Variants in CNBP observed in about 807,000 individuals in gnomAD.
CNBP encodes cellular nucleic acid-binding protein.
A neutral mutation model predicts 21.2 loss-of-function variants in CNBP; 6 were observed. The ratio of observed to expected loss-of-function variants is 0.28; its 90% CI spans 0.16 to 0.56. CNBP has a LOEUF of 0.56. CNBP is among the 20% of genes least tolerant of loss of function. CNBP has a pLI of 0.93. For missense variants in CNBP, 112 were observed against 233.1 expected, an observed-to-expected ratio of 0.48 and a Z score of 3.38; for synonymous variants, 61 against 74.9, an observed-to-expected ratio of 0.81 and a Z score of 0.96.
At position 129,173,299 on chromosome 3, in the gene CNBP, A is replaced by G. The variant is rs557008874; in HGVS notation, c.-14-1528T>C. On this transcript the variant is annotated intron_variant, in intron 1 of 4. Coordinates refer to ENST00000422453, the MANE Select transcript of CNBP (RefSeq NM_003418.5). ...GCAAAGGTTGTAATGCAAGTACTAC[A>G]CTATTTTATATTGGGAACTTGAGCA... Among the ~76,000 whole-genome samples the G allele has an allele frequency of 2.0e-4, 31 of 152,342 alleles. No individual in the cohort carries two copies. In the East Asian group the frequency reaches 2.9e-3, roughly 14 times the overall value.
intron 1 of CNBP, among the ~76,000 whole-genome samples, chr3:129,173,134 T>G (rs192980482): frequency 1.3e-5 from 2 of 152,360 alleles, no homozygotes; most frequent in African/African-American, 4.8e-5. Context: ...GTGGAAAAGT[T>G]GCATCTGTAT....
At position 129,178,929 on chromosome 3, in the gene CNBP, TAG is replaced by T. The variant is rs1455663536; in HGVS notation, c.-15+4845_-15+4846del. On this transcript the variant is annotated intron_variant, in intron 1 of 4. Transcript: ENST00000422453. Reference sequence around the variant, plus strand: ...GGCTACTTTTTTTTTGTATTTTTAGTAGAGACGGGGGTTTCACCGTGTTAGCC... The same window carrying T: ...GGCTACTTTTTTTTTGTATTTTTAGTAGACGGGGGTTTCACCGTGTTAGCC... 1.1e-4 allele frequency among the ~76,000 whole-genome samples: 17 copies of T among 152,172 alleles called. No homozygotes were observed. In the South Asian group the frequency reaches 2.9e-3, roughly 26 times the overall value.
rs1937510607 is a variant in CNBP at position 129,168,639 on chromosome 3, A to G, written c.*1814T>C. ...AAAAAAAAAAAAAAAAGGCCCAGGA[A>G]AAACACAAAAATAGCAATGGTATTA... On this transcript the variant is annotated 3_prime_UTR_variant, in exon 5 of 5. Coordinates refer to ENST00000422453, the MANE Select transcript of CNBP (RefSeq NM_003418.5). 6.7e-6 allele frequency among the ~76,000 whole-genome samples: 1 copy of G among 150,204 alleles called. No individual in the cohort carries two copies. Among genetic ancestry groups the G allele is most frequent in the Admixed American group, 6.7e-5 (1 of 15,028 alleles).
intron 1 of CNBP, among the ~76,000 whole-genome samples, chr3:129,172,151 A>C (rs1448981330): frequency 6.6e-6 from 1 of 152,216 alleles, no homozygotes; most frequent in Non-Finnish European, 1.5e-5. Flanking sequence ...AGCCTGGGCA[A>C]CATTGAGACT....
intron 3 of CNBP, 30 bp downstream of exon 3, chr3:129,171,416 G>A (rs1193308839): frequency 6.3e-7 from 1 of 1,596,980 alleles, no homozygotes; most frequent in Non-Finnish European, 8.6e-7. Flanking sequence ...AGCTCTAGAG[G>A]GGTATGAAAA....
chr3:129,174,769 T>C (rs1424933625), intron 1 of CNBP, among the ~76,000 whole-genome samples: 1 of 152,182 alleles, frequency 6.6e-6, no homozygotes, highest in Admixed American at 6.5e-5. Flanking sequence ...TCAGATCAGC[T>C]TGAGCTCATT....
chr3:129,171,450 C>A lies in CNBP; in HGVS notation c.213G>T (p.Glu71Asp), dbSNP rs1240099761. 2 of 1,613,176 alleles carry A rather than the reference C, an allele frequency of 1.2e-6. No homozygotes were observed. Among genetic ancestry groups the A allele is most frequent in the Non-Finnish European group, 1.7e-6 (2 of 1,179,202 alleles). ...GHLAKDCDLQEDACYNCGRGG... is the reference protein window; with the variant it reads ...GHLAKDCDLQDDACYNCGRGG... The stretch of plus-strand genomic sequence containing the variant: ...AAGGAAGTGTTAAATACTTACCATC[C>A]TCCTGAAGATCACAATCCTTGGCAA... Residue 71 changes from glutamate (E) to aspartate (D), a missense_variant, in exon 3 of 5, where the codon GAG (glutamate) becomes GAT (aspartate). Physicochemically the swap from Glu to Asp is conservative, Grantham distance 45. Transcript: ENST00000422453.
intron 1 of CNBP, among the ~76,000 whole-genome samples, chr3:129,172,236 TAA>T (rs1428431587): frequency 6.6e-6 from 1 of 152,046 alleles, no homozygotes; most frequent in East Asian, 1.9e-4. Flanking sequence ...TACACCTTGA[TAA>T]AAGTGATGGA....
intron 1 of CNBP, among the ~76,000 whole-genome samples, chr3:129,182,436 G>A (rs1186552110): frequency 6.6e-6 from 1 of 151,972 alleles, no homozygotes; most frequent in East Asian, 1.9e-4. Context: ...ACTTCCTTTG[G>A]AAGTGCCCTG....
rs869239430 is a variant in CNBP at position 129,168,623 on chromosome 3, A to AG, written c.*1829_*1830insC. Reference sequence around the variant, plus strand: ...ACTGTCTCAAAAAAAAAAAAAAAAAAAAAAAAGGCCCAGGAAAAACACAAA... The same window carrying AG: ...ACTGTCTCAAAAAAAAAAAAAAAAAAGAAAAAAGGCCCAGGAAAAACACAAA... On this transcript the variant is annotated 3_prime_UTR_variant, in exon 5 of 5. Transcript: ENST00000422453. Among the ~76,000 whole-genome samples the AG allele has an allele frequency of 1.9e-3, 278 of 149,760 alleles. No homozygotes were observed. The highest frequency in any genetic ancestry group is 6.6e-3 in the African/African-American group (271 of 40,770).
rs181245808 is a variant in CNBP, at chr3:129,178,062, C to T, written c.-15+5714G>A. 2.1e-3 allele frequency among the ~76,000 whole-genome samples: 314 copies of T among 150,234 alleles called. 2 individuals carry two copies. Among genetic ancestry groups the T allele is most frequent in the African/African-American group, 7.5e-3 (305 of 40,918 alleles). ...TAATCCCAGCTACTCAGGAGGCTGA[C>T]GCACAAGAATTGCTTGAACCCAGGA... On this transcript the variant is annotated intron_variant, in intron 1 of 4. Coordinates refer to ENST00000422453, the MANE Select transcript of CNBP (RefSeq NM_003418.5).
Position 129,170,378 on chromosome 3 carries a change from T to G in CNBP, c.*75A>C. 7 of 1,274,524 alleles carry G rather than the reference T, an allele frequency of 5.5e-6. No individual in the cohort carries two copies. Among genetic ancestry groups the G allele is most frequent in the Non-Finnish European group, 8.0e-6 (7 of 872,116 alleles). 79.0% of individuals were successfully genotyped at this position (1,274,524 alleles called of 1,614,324 possible). ...GGGAGTTGCCTCTATCTGCCAACCT[T>G]TGGCCAGTGAAGAGGATTCAGAGAA... is the stretch of plus-strand genomic sequence containing the variant. On this transcript the variant is annotated 3_prime_UTR_variant, in exon 5 of 5. Coordinates refer to ENST00000422453, the MANE Select transcript of CNBP (RefSeq NM_003418.5).
At chr3:129,182,390 T>C (rs1239732498) in intron 1 of CNBP, among the ~76,000 whole-genome samples, 2 of 152,102 alleles carry the variant, frequency 1.3e-5, no homozygotes, top group Admixed American at 6.6e-5. Flanking sequence ...TGAGCAATGT[T>C]CTCTTTTTAC....
intron 4 of CNBP, 28 bp downstream of exon 4, chr3:129,171,051 T>C (rs764865306): frequency 1.3e-6 from 2 of 1,595,230 alleles, no homozygotes; most frequent in South Asian, 1.1e-5. Context: ...GCAATGAGTT[T>C]TCTTCTAACA....
intron 1 of CNBP, among the ~76,000 whole-genome samples, chr3:129,178,310 C>T (rs1437569915): frequency 6.6e-6 from 1 of 152,084 alleles, no homozygotes; most frequent in Non-Finnish European, 1.5e-5. Context: ...ACTAATTTGT[C>T]TTCCTTAATG....
chr3:129,168,769 C>T lies in CNBP; in HGVS notation c.*1684G>A, dbSNP rs902262334. Reference sequence around the variant, plus strand: ...TGAGGTCAGGAGTTGGAGACCAGCCCGACCAACATGATGAAACCCAGTCTC... The same window carrying T: ...TGAGGTCAGGAGTTGGAGACCAGCCTGACCAACATGATGAAACCCAGTCTC... On this transcript the variant is annotated 3_prime_UTR_variant, in exon 5 of 5. Coordinates refer to ENST00000422453, the MANE Select transcript of CNBP (RefSeq NM_003418.5). Among the ~76,000 whole-genome samples, 3 of 151,364 alleles carry T rather than the reference C, an allele frequency of 2.0e-5. No homozygotes were observed. Among genetic ancestry groups the T allele is most frequent in the African/African-American group, 4.9e-5 (2 of 41,170 alleles).
At chr3:129,183,361 C>T (rs1938449478) in intron 1 of CNBP, among the ~76,000 whole-genome samples, 1 of 152,196 alleles carries the variant, frequency 6.6e-6, no homozygotes, top group Admixed American at 6.5e-5. Context: ...CATCCGCAGC[C>T]GGGAGCCTTT....
intron 4 of CNBP, among the ~76,000 whole-genome samples, 156 bp downstream of exon 4, chr3:129,170,923 T>C (rs2107633034): frequency 6.6e-6 from 1 of 151,862 alleles, no homozygotes; most frequent in East Asian, 2.0e-4. Flanking sequence ...CAGAATTATA[T>C]ACAGATAGAC....
intron 1 of CNBP, among the ~76,000 whole-genome samples, chr3:129,181,579 G>A (rs1938295661): frequency 6.9e-6 from 1 of 144,086 alleles, no homozygotes; most frequent in Non-Finnish European, 1.5e-5. Context: ...TAATCCGGGA[G>A]GCGGAGGTCG....
Sources: gnomAD v4.1 joint callset for allele counts (sites outside exome capture counted in the v4.1 genomes callset) on GRCh38, gnomAD v4.1.1 for gene constraint, MANE v1.5 for transcripts, NCBI Gene and HGNC (gene_info 2026-07-23, HGNC 2026-07-21) for gene names.